Variants in PRKCH observed in about 807,000 individuals in gnomAD.
PRKCH encodes the protein protein kinase C eta type.
A neutral mutation model predicts 82.5 loss-of-function variants in PRKCH; 28 were observed. The observed-to-expected ratio is 0.34, with a 90% CI of 0.25 to 0.47. The LOEUF is 0.47. Ranked by LOEUF, PRKCH falls within the 20% of genes least tolerant of loss-of-function variation. The pLI is 1.00. For synonymous variants in PRKCH, 322 were observed against 327.4 expected, an observed-to-expected ratio of 0.98 and a Z score of 0.18; for missense variants, 705 against 881.8, an observed-to-expected ratio of 0.80 and a Z score of 2.54.
At chr14:61,393,038 TC>T (rs1267211802) in intron 2 of PRKCH, among the ~76,000 whole-genome samples, 1 of 152,134 alleles carries the variant, frequency 6.6e-6, no homozygotes, top group Non-Finnish European at 1.5e-5. Context: ...TTGTTGAAAA[TC>T]AATTGACCAT....
In PRKCH at chr14:61,549,829, T is replaced by G; in HGVS notation, c.2050T>G (p.Ter684GluextTer5). The part of the protein sequence containing the change: ...FSYVSPELQP[*>E] ...CTATGTGTCTCCAGAATTGCAACCA[T>G]AGCCTTATGGGGAGTGAGAGAGAGG... The change falls in exon 14 of 14, where the codon TAG (stop) becomes GAG (glutamate). Residue 684 changes from the stop codon to glutamate (E), a stop_lost. Transcript: ENST00000332981. The G allele has an allele frequency of 6.2e-7, 1 of 1,613,778 alleles. No individual in the cohort carries two copies. The highest frequency in any genetic ancestry group is 8.5e-7 in the Non-Finnish European group (1 of 1,179,920).
At chr14:61,485,800 GAGACA>G in intron 10 of PRKCH, 144 bp downstream of exon 10, 1 of 1,178,516 alleles carries the variant, frequency 8.5e-7, no homozygotes, top group Non-Finnish European at 1.2e-6. Context: ...TTTTGTTTTT[GAGACA>G]GGGTCTCACT....
chr14:61,322,607 G>A, intron 1 of PRKCH, 143 bp downstream of exon 1: 2 of 1,236,872 alleles, frequency 1.6e-6, no homozygotes, highest in Non-Finnish European at 2.2e-6. Context: ...CCACGTGGCC[G>A]CGGCACTGGT....
upstream of PRKCH, among the ~76,000 whole-genome samples, chr14:61,317,964 T>G (rs1306142249): frequency 6.6e-6 from 1 of 152,184 alleles, no homozygotes; most frequent in African/African-American, 2.4e-5. Flanking sequence ...CCACTTCAGA[T>G]TTCTGCTTAA....
At chr14:61,304,312 G>C (rs1306544897) in intron 1 of PRKCH, 1 of 151,824 alleles carries the variant, frequency 6.6e-6, no homozygotes, top group Non-Finnish European at 1.5e-5. Context: ...TAAATAGTCT[G>C]TTTTAAAAAA....
chr14:61,469,046 C>G (rs1053975244), intron 9 of PRKCH, among the ~76,000 whole-genome samples: 1 of 152,208 alleles, frequency 6.6e-6, no homozygotes, highest in African/African-American at 2.4e-5. Flanking sequence ...AGTGAAAAAT[C>G]AGTCAATCCA....
intron 1 of PRKCH, among the ~76,000 whole-genome samples, chr14:61,336,016 A>G (rs925587099): frequency 5.9e-5 from 9 of 152,218 alleles, no homozygotes; most frequent in African/African-American, 2.2e-4. Context: ...TCCACAACAC[A>G]GTACCTGCCT....
chr14:61,280,658 C>T lies in PRKCH; in HGVS notation c.-19+92990C>T. 2.5e-6 allele frequency: 4 copies of T among 1,570,280 alleles called. No homozygotes were observed. The highest frequency in any genetic ancestry group is 1.4e-5 in the African/African-American group (1 of 74,018). On this transcript the variant is annotated intron_variant, in intron 1 of 3. Coordinates refer to the PRKCH transcript ENST00000555185. The surrounding 1 kb of genome is among the most constrained non-coding windows in gnomAD (Gnocchi z 5.0). ...TCGTTGAAGAGGCTGTTGGCGATGG[C>T]GCCGCAGGGCGCGATGGGCAGGCCG...
intron 1 of PRKCH, chr14:61,322,742 C>T (rs1594911273): frequency 8.2e-6 from 3 of 367,864 alleles, no homozygotes; most frequent in South Asian, 1.1e-4. Context: ...GGGCGGTCAC[C>T]CTTTCCGCCC....
chr14:61,387,475 G>A (rs940055818), intron 1 of PRKCH, among the ~76,000 whole-genome samples: 2 of 152,326 alleles, frequency 1.3e-5, no homozygotes, highest in East Asian at 1.9e-4. Flanking sequence ...TGTAGAGGGC[G>A]AAACTAAGGT....
At chr14:61,354,404 TTGTGTGTGTGTGTGTG>T (rs3028729) in intron 1 of PRKCH, among the ~76,000 whole-genome samples, 3 of 148,342 alleles carry the variant, frequency 2.0e-5, no homozygotes, top group South Asian at 2.2e-4. Flanking sequence ...CTGTTTCTAT[TTGTGTGTGTGTGTGTG>T]TGTGTGTGTG....
intron 10 of PRKCH, among the ~76,000 whole-genome samples, chr14:61,514,861 T>A (rs2042800304): frequency 1.3e-5 from 2 of 152,172 alleles, no homozygotes; most frequent in Non-Finnish European, 2.9e-5. Context: ...ATTTTGAAAT[T>A]TGTTCTCTCT....
chr14:61,545,957 T>C (rs2140041702), intron 12 of PRKCH, among the ~76,000 whole-genome samples: 1 of 152,340 alleles, frequency 6.6e-6, no homozygotes, highest in East Asian at 1.9e-4. Context: ...ATGTCCTCTC[T>C]CACATCATTG....
Position 61,450,869 on chromosome 14 carries a change from A to G in PRKCH, c.730A>G (p.Ile244Val). ...TGCAGAACAGAGGTTCGGGATCAAC[A>G]TCCCACACAAGTTCAGCATCCACAA... The part of the protein sequence containing the change: ...KIAEQRFGIN[I>V]PHKFSIHNYK... Residue 244 changes from isoleucine to valine, a missense_variant, in exon 6 of 14, where the codon ATC (isoleucine) becomes GTC (valine). Transcript: ENST00000332981. 2 of 1,613,962 alleles carry G rather than the reference A, an allele frequency of 1.2e-6. No individual in the cohort carries two copies. The highest frequency in any genetic ancestry group is 8.5e-7 in the Non-Finnish European group (1 of 1,179,930).
At chr14:61,505,006 CACAA>C (rs1417755200) in intron 10 of PRKCH, among the ~76,000 whole-genome samples, 1 of 152,110 alleles carries the variant, frequency 6.6e-6, no homozygotes. Flanking sequence ...AGTGTAAGCA[CACAA>C]ACAAGTAAAA....
chr14:61,275,767 C>T (rs1475109322), intron 1 of PRKCH, among the ~76,000 whole-genome samples: 1 of 152,092 alleles, frequency 6.6e-6, no homozygotes, highest in African/African-American at 2.4e-5. Flanking sequence ...CTCATCTTTC[C>T]CTTTATTCTC....
chr14:61,412,414 T>C (rs1882314756), intron 2 of PRKCH, among the ~76,000 whole-genome samples: 1 of 152,198 alleles, frequency 6.6e-6, no homozygotes, highest in South Asian at 2.1e-4. Context: ...TCCATCCTTA[T>C]GTTACTTCAA....
intron 2 of PRKCH, among the ~76,000 whole-genome samples, chr14:61,423,205 C>T (rs542343042): frequency 1.4e-4 from 21 of 152,270 alleles, no homozygotes; most frequent in Admixed American, 1.2e-3. Context: ...GACTAAGAAA[C>T]GGGGACAAGA....
At chr14:61,466,815 G>A (rs1176880913) in intron 9 of PRKCH, among the ~76,000 whole-genome samples, 1 of 152,104 alleles carries the variant, frequency 6.6e-6, no homozygotes, top group African/African-American at 2.4e-5. Context: ...TGCCTGCTGG[G>A]GCGTCTTTAC....
Sources: gnomAD v4.1 joint callset for allele counts (sites outside exome capture counted in the v4.1 genomes callset) on GRCh38, gnomAD v4.1.1 for gene constraint, Gnocchi (gnomAD v3.1) non-coding constraint, MANE v1.5 for transcripts, NCBI Gene and HGNC (gene_info 2026-07-23, HGNC 2026-07-21) for gene names.